Variants in KANK4 observed in about 807,000 individuals in gnomAD.
KANK4 encodes the protein KN motif and ankyrin repeat domains 4, also known as KN motif and ankyrin repeat domain-containing protein 4.
In KANK4, 50 loss-of-function variants were observed where a neutral mutation model predicts 80.8. The observed-to-expected ratio is 0.62, with a 90% confidence interval of 0.49 to 0.78. The LOEUF (loss-of-function observed/expected upper bound fraction) is 0.78, where lower values mean the gene tolerates loss of function less well. Among genes scored for constraint, KANK4 ranks in the 30% least tolerant of loss-of-function variants. The pLI is 0.00. For synonymous variants in KANK4, 465 were observed against 506.9 expected (o/e 0.92, Z 1.11); for missense variants, 1,196 against 1,240.1 (o/e 0.96, Z 0.53).
rs117309658 is a variant in KANK4 at position 62,270,073 on chromosome 1, G to C, written c.2012+1405C>G. On this transcript the variant is annotated intron_variant, in intron 4 of 9. Coordinates refer to ENST00000371153, the MANE Select transcript of KANK4 (RefSeq NM_181712.5). ...TCCAGGAGAGGAGGCCTTTAGCAGG[G>C]AAACAGCAAGTGCCAGGGCCCTGAG... Among the ~76,000 whole-genome samples, 4 of 152,324 alleles carry C rather than the reference G, an allele frequency of 2.6e-5. No individual in the cohort carries two copies. The East Asian group carries it at 7.7e-4, about 29-fold the overall frequency.
intron 1 of KANK4, among the ~76,000 whole-genome samples, chr1:62,295,909 G>A (rs2149163368): frequency 6.6e-6 from 1 of 151,836 alleles, no homozygotes; most frequent in South Asian, 2.1e-4. Flanking sequence ...AAAGTATAAC[G>A]CATAACAATA....
intron 8 of KANK4, among the ~76,000 whole-genome samples, chr1:62,248,093 C>G (rs1186216301): frequency 6.6e-6 from 1 of 152,158 alleles, no homozygotes; most frequent in Non-Finnish European, 1.5e-5. Context: ...TGGCTTCTTA[C>G]TGCCTGCCCC....
chr1:62,256,843 T>G (rs991658418), intron 7 of KANK4, among the ~76,000 whole-genome samples: 1 of 152,106 alleles, frequency 6.6e-6, no homozygotes, highest in Non-Finnish European at 1.5e-5. Flanking sequence ...AAATAACAAC[T>G]CCATACATCA....
chr1:62,240,728 A>G (rs970398468), intron 9 of KANK4, among the ~76,000 whole-genome samples: 7 of 152,154 alleles, frequency 4.6e-5, no homozygotes, highest in African/African-American at 1.7e-4. Context: ...GCATTAAGGG[A>G]CATGCACATT....
chr1:62,313,667 G>A (rs549053598), intron 1 of KANK4, among the ~76,000 whole-genome samples: 300 of 152,188 alleles, frequency 2.0e-3, no homozygotes, highest in Middle Eastern at 3.4e-3. Flanking sequence ...ACATGGACAC[G>A]GGGAGGGGAA....
Position 62,266,816 on chromosome 1 carries a change from A to G in KANK4, c.2235T>C (p.Tyr745=), listed in dbSNP as rs753722300. 6.3e-7 allele frequency: 1 copy of G among 1,596,720 alleles called. No homozygotes were observed. The highest frequency in any genetic ancestry group is 8.6e-7 in the Non-Finnish European group (1 of 1,165,002). Residue 745 remains tyrosine (Y), a synonymous_variant, in exon 6 of 10, where the codon TAT becomes TAC. Transcript: ENST00000371153. ...CATTAAGAAATTCTTCTGAGGGTTT[A>G]TATCTAAATAAAACAAACATATATA... ...EEVPHSKAER[Y]KPSEEFLNAC... is the part of the protein sequence containing the mutation.
chr1:62,279,891 G>C (rs896934261), intron 2 of KANK4, among the ~76,000 whole-genome samples: 2 of 152,118 alleles, frequency 1.3e-5, no homozygotes, highest in African/African-American at 4.8e-5. Flanking sequence ...AATTCCCTAC[G>C]GAGTCTTGCT....
Position 62,263,255 on chromosome 1 carries a change from C to T in KANK4, c.2376G>A (p.Ser792=), listed in dbSNP as rs1407830064. ...AGGAGGCCACCACGGCGGGGCTAGACGACTTCCGGCTGGAGACGCGGAACC... is the reference window on the plus strand; with the variant it reads ...AGGAGGCCACCACGGCGGGGCTAGATGACTTCCGGCTGGAGACGCGGAACC... ...QEWFRVSSRK[S]SSPAVVASYL... Residue 792 remains serine, a synonymous_variant, in exon 7 of 10, where the codon TCG becomes TCA. Coordinates refer to ENST00000371153, the MANE Select transcript of KANK4 (RefSeq NM_181712.5). 13 of 1,613,350 alleles carry T rather than the reference C, an allele frequency of 8.1e-6. No individual in the cohort carries two copies. Among genetic ancestry groups the T allele is most frequent in the Admixed American group, 5.0e-5 (3 of 59,814 alleles).
Position 62,274,760 on chromosome 1 carries a change from G to A in KANK4, c.344C>T (p.Ala115Val), listed in dbSNP as rs531195574. ...ACTCCTGCTTGTTGAGGCCTGGGGG[G>A]CATTACCAAGCGGTGGTGACTGGTT... is the stretch of plus-strand genomic sequence containing the variant. ...EQNQSPPLGNAPQASTSRSEV... is the reference protein window; with the variant it reads ...EQNQSPPLGNVPQASTSRSEV... The change falls in exon 3 of 10, where the codon GCC becomes GTC. Residue 115 changes from alanine to valine, a missense_variant. Coordinates refer to ENST00000371153, the MANE Select transcript of KANK4 (RefSeq NM_181712.5). The A allele has an allele frequency of 2.0e-4, 323 of 1,613,974 alleles. 1 individual carries two copies. Among genetic ancestry groups the A allele is most frequent in the Non-Finnish European group, 2.6e-4 (308 of 1,179,978 alleles).
chr1:62,274,524 G>A lies in KANK4; in HGVS notation c.580C>T (p.Gln194Ter), dbSNP rs1438496859. 6 of 1,614,082 alleles carry A rather than the reference G, an allele frequency of 3.7e-6. No homozygotes were observed. Among genetic ancestry groups the A allele is most frequent in the Non-Finnish European group, 4.2e-6 (5 of 1,180,018 alleles). ...PPAPPALPPL[Q>*]GEGSVCDGTF... ...CCATCACAGACACTGCCTTCACCCT[G>A]AAGGGGAGGGAGGGCAGGAGGGGCA... Residue 194 changes from glutamine (Q) to a stop codon, truncating the protein, a stop_gained, in exon 3 of 10, where the codon CAG (glutamine) becomes TAG (stop). Transcript: ENST00000371153. LOFTEE classifies it high-confidence loss of function.
chr1:62,253,610 C>T (rs926373168), intron 7 of KANK4, among the ~76,000 whole-genome samples: 1 of 151,976 alleles, frequency 6.6e-6, no homozygotes, highest in African/African-American at 2.4e-5. Context: ...GACGGGGTTT[C>T]ACCATGTTGG....
intron 9 of KANK4, among the ~76,000 whole-genome samples, chr1:62,239,686 C>T (rs528057909): frequency 6.6e-6 from 1 of 152,176 alleles, no homozygotes; most frequent in African/African-American, 2.4e-5. Flanking sequence ...CACGACAGGC[C>T]CTGGTGTGTG....
intron 4 of KANK4, 39 bp from the exon 5 acceptor site, chr1:62,268,544 T>A (rs1288674153): frequency 1.3e-6 from 2 of 1,539,770 alleles, no homozygotes; most frequent in African/African-American, 1.4e-5. Context: ...CTGTCTTTCC[T>A]GCCCAGTGCC....
chr1:62,284,601 G>A (rs1397490492), intron 1 of KANK4, among the ~76,000 whole-genome samples: 2 of 152,202 alleles, frequency 1.3e-5, no homozygotes, highest in East Asian at 1.9e-4. Context: ...TTACAGGGGT[G>A]AGCCACGGCA....
At chr1:62,294,376 T>C (rs1644340627) in intron 1 of KANK4, among the ~76,000 whole-genome samples, 1 of 152,116 alleles carries the variant, frequency 6.6e-6, no homozygotes, top group African/African-American at 2.4e-5. Context: ...GCACAAATAC[T>C]CCACAGGGGG....
intron 1 of KANK4, among the ~76,000 whole-genome samples, chr1:62,303,823 T>G (rs1234778490): frequency 6.6e-6 from 1 of 152,112 alleles, no homozygotes; most frequent in Non-Finnish European, 1.5e-5. Context: ...TTTCTTTTTA[T>G]TTTCTTTAAT....
At position 62,274,846 on chromosome 1, in the gene KANK4, C is replaced by T. The variant is rs149545717; in HGVS notation, c.258G>A (p.Pro86=). 4.5e-5 allele frequency: 73 copies of T among 1,613,736 alleles called. No homozygotes were observed. The highest frequency in any genetic ancestry group is 2.0e-4 in the South Asian group (18 of 91,072). Residue 86 remains proline (P), a synonymous_variant, in exon 3 of 10, where the codon CCG becomes CCA. Transcript: ENST00000371153. The part of the protein sequence containing the change: ...PDSGARPPAA[P]PLQNWSPVVP... ...CCACGGGAGACCAGTTTTGGAGGGG[C>T]GGGGCTGCAGGGGGGCGAGCCCCAC...
At chr1:62,251,860 CG>C (rs1557471534) in intron 8 of KANK4, among the ~76,000 whole-genome samples, 2 of 152,008 alleles carry the variant, frequency 1.3e-5, no homozygotes, top group African/African-American at 4.8e-5. Context: ...GGCATGATGG[CG>C]GGTGCCTGTA....
At chr1:62,261,495 C>T (rs1671885775) in intron 7 of KANK4, among the ~76,000 whole-genome samples, 1 of 152,030 alleles carries the variant, frequency 6.6e-6, no homozygotes, top group South Asian at 2.1e-4. Flanking sequence ...TCCTACCATC[C>T]TCACCTATTA....
Sources: gnomAD v4.1 joint callset for allele counts (sites outside exome capture counted in the v4.1 genomes callset) on GRCh38, gnomAD v4.1.1 for gene constraint, MANE v1.5 for transcripts, NCBI Gene and HGNC (gene_info 2026-07-23, HGNC 2026-07-21) for gene names.